The following AADAC variants were observed in gnomAD, a reference collection of about 807,000 sequenced individuals.
AADAC encodes the protein arylacetamide deacetylase, also known as arylacetamide deacetylase (esterase).
In AADAC, 17 loss-of-function variants were observed where a neutral mutation model predicts 22.7. The observed-to-expected ratio is 0.75, with a 90% confidence interval of 0.51 to 1.12. The LOEUF is 1.12. Ranked by LOEUF, AADAC falls within the 50% of genes most tolerant of loss-of-function variation. AADAC has a pLI of 0.00. For synonymous variants in AADAC, 167 were observed against 176.3 expected, an observed-to-expected ratio of 0.95 and a Z score of 0.42; for missense variants, 465 against 473.9, an observed-to-expected ratio of 0.98 and a Z score of 0.17.
rs1384710472 is a variant in AADAC at position 151,828,262 on chromosome 3, A to G, written c.*90A>G. ...AAATTGGTCTTTCTTAGAATGGTCT[A>G]GTTAAGTTCCACATGTAGCATAATT... On this transcript the variant is annotated 3_prime_UTR_variant, in exon 5 of 5. Coordinates refer to ENST00000232892, the MANE Select transcript of AADAC (RefSeq NM_001086.3). 1 of 743,434 alleles carries G rather than the reference A, an allele frequency of 1.3e-6. No homozygotes were observed. The allele number at this position is 743,434 out of a possible 1,614,324, so 46.1% of individuals were successfully genotyped here. A position where few individuals can be genotyped will look rare whatever the true frequency, so the allele number is the denominator to read the frequency against.
intron 4 of AADAC, among the ~76,000 whole-genome samples, chr3:151,825,341 T>A (rs1716441788): frequency 6.6e-6 from 1 of 151,824 alleles, no homozygotes; most frequent in African/African-American, 2.4e-5. Context: ...TACAGTAAGG[T>A]GTAATCGTGC....
chr3:151,816,291 C>T (rs1248929160), intron 1 of AADAC, among the ~76,000 whole-genome samples: 1 of 152,070 alleles, frequency 6.6e-6, no homozygotes, highest in African/African-American at 2.4e-5. Flanking sequence ...ACCAGTTCCT[C>T]GACCTGCCAG....
In AADAC at chr3:151,814,250, C is replaced by T; in HGVS notation, c.88C>T (p.Pro30Ser). The T allele has an allele frequency of 6.2e-7, 1 of 1,613,120 alleles. No homozygotes were observed. The highest frequency in any genetic ancestry group is 8.5e-7 in the Non-Finnish European group (1 of 1,179,382). ...GCCTCTCCCAGATAACGTTGAGGAG[C>T]CATGGAGAATGATGTGGATAAACGC... The part of the protein sequence containing the change: ...YTPLPDNVEE[P>S]WRMMWINAHL... The change falls in exon 1 of 5, where the codon CCA becomes TCA. Residue 30 changes from proline to serine, a missense_variant. Physicochemically the swap from Pro to Ser is moderately conservative, Grantham distance 74. Coordinates refer to ENST00000232892, the MANE Select transcript of AADAC (RefSeq NM_001086.3).
rs2108023911 is a variant in AADAC at position 151,814,370 on chromosome 3, A to G, written c.138+70A>G. 4.2e-6 allele frequency: 6 copies of G among 1,435,484 alleles called. No homozygotes were observed. In the South Asian group the frequency reaches 6.8e-5, roughly 16 times the overall value. 88.9% of individuals were successfully genotyped at this position (1,435,484 alleles called of 1,614,324 possible). A position where few individuals can be genotyped will look rare whatever the true frequency, so the allele number is the denominator to read the frequency against. The stretch of plus-strand genomic sequence containing the variant: ...TTGACCCAGAGAATTAAGTTTTTCA[A>G]GATTCTATTCTTTTGATTTATTGAC... On this transcript the variant is annotated intron_variant, in intron 1 of 4. Transcript: ENST00000232892.
At chr3:151,826,341 TAAAC>T (rs1240527434) in intron 4 of AADAC, among the ~76,000 whole-genome samples, 1 of 151,940 alleles carries the variant, frequency 6.6e-6, no homozygotes, top group Non-Finnish European at 1.5e-5. Flanking sequence ...TCTCCCTAAA[TAAAC>T]ATTCATTTCC....
intron 1 of AADAC, among the ~76,000 whole-genome samples, chr3:151,815,159 A>C (rs1367107434): frequency 6.6e-6 from 1 of 152,012 alleles, no homozygotes; most frequent in Non-Finnish European, 1.5e-5. Flanking sequence ...ACCTTTAAGG[A>C]GGTAAGATGG....
rs1716190663 is a variant in AADAC at position 151,820,403 on chromosome 3, C to T, written c.382C>T (p.Leu128=). The change falls in exon 3 of 5, where the codon CTG becomes TTG. Residue 128 remains leucine, a synonymous_variant. Transcript: ENST00000232892. ...GSAALSGYDL[L]SRWTADRLDA... ...TTCAGCTCTAAGTGGTTATGACTTG[C>T]TGTCAAGATGGACAGCAGACAGACT... The T allele has an allele frequency of 6.3e-7, 1 of 1,585,238 alleles. No homozygotes were observed. The highest frequency in any genetic ancestry group is 1.2e-5 in the South Asian group (1 of 85,950).
At chr3:151,820,315 G>C in intron 2 of AADAC, 68 bp from the exon 3 acceptor site, 1 of 1,187,262 alleles carries the variant, frequency 8.4e-7, no homozygotes, top group Non-Finnish European at 1.2e-6. Context: ...CAGGATTTTT[G>C]TGAAGGAAAC....
Position 151,825,489 on chromosome 3 carries a change from G to A in AADAC, c.603+655G>A, listed in dbSNP as rs147229165. ...ATTGTGAGACTAATGACCCTATTAC[G>A]CTATTAGAGATTCAGACGAATTCAT... On this transcript the variant is annotated intron_variant, in intron 4 of 4. Transcript: ENST00000232892. Among the ~76,000 whole-genome samples the A allele has an allele frequency of 6.4e-3, 976 of 151,924 alleles. 10 individuals are homozygous for A. The highest frequency in any genetic ancestry group is 0.022 in the African/African-American group (929 of 41,506).
chr3:151,824,412 G>A (rs951653006), intron 3 of AADAC, among the ~76,000 whole-genome samples: 3 of 151,948 alleles, frequency 2.0e-5, no homozygotes, highest in South Asian at 2.1e-4. Flanking sequence ...TAGTGGATAC[G>A]TCAGGAATTA....
At chr3:151,820,535 T>TTTTTTTG (rs1716203697) in intron 3 of AADAC, 83 bp downstream of exon 3, 1 of 938,340 alleles carries the variant, frequency 1.1e-6, no homozygotes. Context: ...TTTTTTTTTT[T>TTTTTTTG]GTGATGGAGT....
intron 4 of AADAC, among the ~76,000 whole-genome samples, chr3:151,825,606 C>T (rs1368712459): frequency 1.3e-5 from 2 of 151,546 alleles, no homozygotes; most frequent in African/African-American, 4.8e-5. Context: ...ATGCTACTTA[C>T]AAAGAAGAAA....
intron 4 of AADAC, 66 bp from the exon 5 acceptor site, chr3:151,827,510 A>T: frequency 1.0e-6 from 1 of 965,622 alleles, no homozygotes; most frequent in South Asian, 1.7e-5. Flanking sequence ...ACAGATAGAT[A>T]ATCTTATTAG....
At chr3:151,819,273 A>C (rs1446070045) in intron 2 of AADAC, among the ~76,000 whole-genome samples, 1 of 151,926 alleles carries the variant, frequency 6.6e-6, no homozygotes, top group African/African-American at 2.4e-5. Context: ...AAGCCGAAGA[A>C]GGTGAGAACC....
In AADAC at chr3:151,827,779, T is replaced by C. The variant is rs1716562707; in HGVS notation, c.807T>C (p.His269=). 1 of 1,613,266 alleles carries C rather than the reference T, an allele frequency of 6.2e-7. No homozygotes were observed. Among genetic ancestry groups the C allele is most frequent in the South Asian group, 1.1e-5 (1 of 91,070 alleles). ...AAAAAGCCATGCTTTCCAGACAACA[T>C]GTACCTGTGGAATCAAGTCATCTCT... is the stretch of plus-strand genomic sequence containing the variant. ...SLEKAMLSRQ[H]VPVESSHLFK... The change falls in exon 5 of 5, where the codon CAT becomes CAC. Residue 269 remains histidine, a synonymous_variant. Transcript: ENST00000232892.
intron 4 of AADAC, 48 bp from the exon 5 acceptor site, chr3:151,827,528 T>G: frequency 9.1e-7 from 1 of 1,094,662 alleles, no homozygotes; most frequent in Non-Finnish European, 1.3e-6. Flanking sequence ...TAGGGATATT[T>G]TATTGTTTTA....
At chr3:151,817,926 T>C (rs1716061233) in intron 2 of AADAC, among the ~76,000 whole-genome samples, 1 of 152,058 alleles carries the variant, frequency 6.6e-6, no homozygotes, top group Non-Finnish European at 1.5e-5. Flanking sequence ...ATATGTCTGG[T>C]AATATTTTTA....
intron 2 of AADAC, 52 bp downstream of exon 2, chr3:151,817,640 T>C (rs1460179855): frequency 2.0e-6 from 3 of 1,502,456 alleles, no homozygotes; most frequent in Non-Finnish European, 2.8e-6. Flanking sequence ...CGCAGACATT[T>C]TACTAAGTCT....
chr3:151,815,678 A>G (rs185711344), intron 1 of AADAC, among the ~76,000 whole-genome samples: 8 of 151,998 alleles, frequency 5.3e-5, no homozygotes, highest in Admixed American at 1.3e-4. Context: ...TAATTCATTC[A>G]TTTACTTACA....
Sources: gnomAD v4.1 joint callset for allele counts (sites outside exome capture counted in the v4.1 genomes callset) on GRCh38, gnomAD v4.1.1 for gene constraint, MANE v1.5 for transcripts, NCBI Gene and HGNC (gene_info 2026-07-23, HGNC 2026-07-21) for gene names.